Variants in GPAM observed in about 807,000 individuals in gnomAD.
GPAM encodes glycerol-3-phosphate acyltransferase 1, mitochondrial.
In GPAM, 56 loss-of-function variants were observed where a neutral mutation model predicts 105.0. The observed-to-expected ratio is 0.53, with a 90% confidence interval of 0.43 to 0.67. GPAM has a LOEUF of 0.67. Among genes scored for constraint, GPAM ranks in the 30% least tolerant of loss-of-function variants. The pLI, the probability that GPAM is intolerant of heterozygous loss-of-function variation, is 0.00. For synonymous variants in GPAM, 368 were observed against 354.4 expected (o/e 1.04, Z -0.43); for missense variants, 855 against 989.8 (o/e 0.86, Z 1.83).
At position 112,175,633 on chromosome 10, in the gene GPAM, G is replaced by A. The variant is rs1847388866; in HGVS notation, c.380C>T (p.Thr127Ile). Residue 127 changes from threonine to isoleucine, a missense_variant, in exon 6 of 22, where the codon ACC becomes ATC. By Grantham distance (89) the Thr-to-Ile change is moderately conservative. Transcript: ENST00000348367. ...GTTCAGCACATTTTCAGTCACATTGGTGGCAAACATGCCCTTATGCACATC... is the reference window on the plus strand; with the variant it reads ...GTTCAGCACATTTTCAGTCACATTGATGGCAAACATGCCCTTATGCACATC... ...ERDVHKGMFA[T>I]NVTENVLNSS... 1 of 1,610,582 alleles carries A rather than the reference G, an allele frequency of 6.2e-7. No individual in the cohort carries two copies. The highest frequency in any genetic ancestry group is 1.3e-5 in the African/African-American group (1 of 74,824).
rs1846932789 is a variant in GPAM, at chr10:112,152,257, T to C, written c.*1293A>G. 2.0e-6 allele frequency: 2 copies of C among 978,150 alleles called. No individual in the cohort carries two copies. Among genetic ancestry groups the C allele is most frequent in the Non-Finnish European group, 2.4e-6 (2 of 823,632 alleles). The allele number at this position is 978,150 out of a possible 1,614,324, so 60.6% of individuals were successfully genotyped here. ...GAAAACGTTTTAACATTACATGATA[T>C]TTAAAAAATCACCATAATTACCATA... On this transcript the variant is annotated 3_prime_UTR_variant, in exon 22 of 22. Coordinates refer to ENST00000348367, the MANE Select transcript of GPAM (RefSeq NM_001244949.2).
intron 1 of GPAM, among the ~76,000 whole-genome samples, chr10:112,200,514 A>G (rs2133294140): frequency 6.6e-6 from 1 of 151,830 alleles, no homozygotes; most frequent in East Asian, 1.9e-4. Flanking sequence ...CTGGTCTCGA[A>G]CTCCTGGGCT....
At position 112,168,268 on chromosome 10, in the gene GPAM, A is replaced by G. The variant is rs1847252252; in HGVS notation, c.1107+44T>C. 3 of 1,120,202 alleles carry G rather than the reference A, an allele frequency of 2.7e-6. No individual in the cohort carries two copies. In the South Asian group the frequency reaches 3.7e-5, roughly 14 times the overall value. 69.4% of individuals were successfully genotyped at this position (1,120,202 alleles called of 1,614,324 possible). A position where few individuals can be genotyped will look rare whatever the true frequency, so the allele number is the denominator to read the frequency against. On this transcript the variant is annotated intron_variant, in intron 11 of 21. Coordinates refer to ENST00000348367, the MANE Select transcript of GPAM (RefSeq NM_001244949.2). ...ATGTAAATTCTAAAAGTTAAATCTA[A>G]AAGACTTGATAAGCAAAGAAAACTT...
intron 5 of GPAM, among the ~76,000 whole-genome samples, chr10:112,176,104 A>C (rs1423653319): frequency 3.3e-5 from 5 of 152,236 alleles, no homozygotes; most frequent in Non-Finnish European, 7.3e-5. Flanking sequence ...GGCTATAAAA[A>C]GATAAATTTG....
rs113588378 is a variant in GPAM, at chr10:112,151,404, A to T, written c.*2146T>A. On this transcript the variant is annotated 3_prime_UTR_variant, in exon 22 of 22. Coordinates refer to ENST00000348367, the MANE Select transcript of GPAM (RefSeq NM_001244949.2). The stretch of plus-strand genomic sequence containing the variant: ...TTAACTCAAAGGTCAGCTTGTCTGG[A>T]TGAGCATAACTTTGGTTGAGATTTT... The T allele has an allele frequency of 2.3e-5, 23 of 985,774 alleles. No individual in the cohort carries two copies. The highest frequency in any genetic ancestry group is 1.9e-4 in the African/African-American group (11 of 57,340). The allele number at this position is 985,774 out of a possible 1,614,324, so 61.1% of individuals were successfully genotyped here.
chr10:112,220,210 A>G (rs542628242), upstream of GPAM, among the ~76,000 whole-genome samples: 1 of 152,158 alleles, frequency 6.6e-6, no homozygotes, highest in Non-Finnish European at 1.5e-5. Flanking sequence ...CCAACCAATC[A>G]GCAGCACCCA....
At chr10:112,211,342 C>G (rs1036165331) in intron 1 of GPAM, among the ~76,000 whole-genome samples, 1 of 152,154 alleles carries the variant, frequency 6.6e-6, no homozygotes, top group African/African-American at 2.4e-5. Context: ...TAACAAAATG[C>G]TAGAGGTGGC....
chr10:112,170,597 T>C (rs2133250307), intron 9 of GPAM, among the ~76,000 whole-genome samples: 1 of 152,360 alleles, frequency 6.6e-6, no homozygotes, highest in African/African-American at 2.4e-5. Flanking sequence ...AATAGTCCTC[T>C]TCCCTCTAAG....
chr10:112,156,391 A>G (rs1272461438), intron 19 of GPAM: 3 of 337,848 alleles, frequency 8.9e-6, no homozygotes, highest in Non-Finnish European at 1.7e-5. Context: ...CAGGCCCTCC[A>G]TGGTTTGAAG....
the GPAM span, among the ~76,000 whole-genome samples, chr10:112,222,746 T>C: frequency 6.6e-6 from 1 of 152,140 alleles, no homozygotes; most frequent in African/African-American, 2.4e-5. Context: ...TCTTCCCAGC[T>C]AGATCATGAG....
At chr10:112,154,479 A>G (rs1483633547) in intron 21 of GPAM, 150 bp downstream of exon 21, 5 of 679,762 alleles carry the variant, frequency 7.4e-6, no homozygotes, top group Non-Finnish European at 1.1e-5. Flanking sequence ...CCCATCCTAC[A>G]TGCCCCGTTC....
intron 1 of GPAM, among the ~76,000 whole-genome samples, chr10:112,204,426 G>A (rs1847836791): frequency 6.6e-6 from 1 of 151,756 alleles, no homozygotes; most frequent in Non-Finnish European, 1.5e-5. Context: ...GTGGGTAGGG[G>A]AAGAAGAGTA....
chr10:112,153,573 T>C lies in GPAM; in HGVS notation c.2464A>G (p.Ile822Val), dbSNP rs1324463176. The C allele has an allele frequency of 6.2e-7, 1 of 1,613,914 alleles. No individual in the cohort carries two copies. The highest frequency in any genetic ancestry group is 8.5e-7 in the Non-Finnish European group (1 of 1,179,906). ...ACCTACAGCACCACAAAACTCAGAA[T>C]ATATTCTAGAAGTTTTTGTCGGTTG... ...QCNRQKLLEY[I>V]LSFVVL The change falls in exon 22 of 22, where the codon ATT (isoleucine) becomes GTT (valine). Residue 822 changes from isoleucine (I) to valine (V), a missense_variant. Coordinates refer to ENST00000348367, the MANE Select transcript of GPAM (RefSeq NM_001244949.2).
chr10:112,163,656 G>A (rs750798607), intron 14 of GPAM, 45 bp downstream of exon 14: 2 of 929,272 alleles, frequency 2.2e-6, no homozygotes, highest in Non-Finnish European at 3.6e-6. Flanking sequence ...ACCATACCAT[G>A]ATGAATCTAA....
chr10:112,206,994 T>C (rs528346732), intron 1 of GPAM, among the ~76,000 whole-genome samples: 3 of 152,300 alleles, frequency 2.0e-5, no homozygotes, highest in East Asian at 3.9e-4. Flanking sequence ...CCTAATACAG[T>C]GCCTAGCACA....
Position 112,150,133 on chromosome 10 carries a change from T to G in GPAM, c.*3417A>C, listed in dbSNP as rs1038561963. The G allele has an allele frequency of 7.1e-6, 7 of 983,874 alleles. No individual in the cohort carries two copies. In the African/African-American group the frequency reaches 1.2e-4, roughly 17 times the overall value. The allele number at this position is 983,874 out of a possible 1,614,324, so 60.9% of individuals were successfully genotyped here. A position where few individuals can be genotyped will look rare whatever the true frequency, so the allele number is the denominator to read the frequency against. On this transcript the variant is annotated 3_prime_UTR_variant, in exon 22 of 22. Transcript: ENST00000348367. The stretch of plus-strand genomic sequence containing the variant: ...AATCTCTTTCAAATGCAATCATTAG[T>G]TTGTATTAAACTAAAATGCCAGACG...
intron 1 of GPAM, among the ~76,000 whole-genome samples, chr10:112,193,946 C>T (rs1218883173): frequency 1.3e-5 from 2 of 152,100 alleles, no homozygotes; most frequent in Non-Finnish European, 2.9e-5. Context: ...TCATATGAAC[C>T]CTTAAAGTTA....
At chr10:112,206,489 A>G (rs1847851628) in intron 1 of GPAM, among the ~76,000 whole-genome samples, 1 of 112,412 alleles carries the variant, frequency 8.9e-6, no homozygotes, top group African/African-American at 4.2e-5. Context: ...CTATGCAGCC[A>G]TAAAAAATGA....
Position 112,160,716 on chromosome 10 carries a change from A to G in GPAM, c.1647T>C (p.Thr549=), listed in dbSNP as rs970861785. 6.2e-7 allele frequency: 1 copy of G among 1,614,018 alleles called. No individual in the cohort carries two copies. Among genetic ancestry groups the G allele is most frequent in the Non-Finnish European group, 8.5e-7 (1 of 1,179,878 alleles). Reference sequence around the variant, plus strand: ...TGATAAAAAACTCATCGTTCCTGCTAGTGTGGGTGATTGTGACACAATTTC... The same window carrying G: ...TGATAAAAAACTCATCGTTCCTGCTGGTGTGGGTGATTGTGACACAATTTC... ...LLGNCVTITH[T]SRNDEFFITP... is the part of the protein sequence containing the mutation. The change falls in exon 16 of 22, where the codon ACT becomes ACC. Residue 549 remains threonine, a synonymous_variant. Transcript: ENST00000348367.
Sources: gnomAD v4.1 joint callset for allele counts (sites outside exome capture counted in the v4.1 genomes callset) on GRCh38, gnomAD v4.1.1 for gene constraint, MANE v1.5 for transcripts, NCBI Gene and HGNC (gene_info 2026-07-23, HGNC 2026-07-21) for gene names.